SRPK2: variants seen among roughly 807,000 people sequenced by gnomAD.
SRPK2 encodes SRSF protein kinase 2.
SRPK2 carries 21 observed loss-of-function variants against 90.8 expected under a neutral mutation model. That is an observed-to-expected ratio of 0.23 (90% CI 0.16 to 0.33). SRPK2 has a LOEUF of 0.33. Ranked by LOEUF, SRPK2 falls within the 10% of genes least tolerant of loss-of-function variation. The pLI, the probability that SRPK2 is intolerant of heterozygous loss-of-function variation, is 1.00. For synonymous variants in SRPK2, 288 were observed against 311.1 expected (o/e 0.93, Z 0.78); for missense variants, 620 against 869.0 (o/e 0.71, Z 3.60).
At chr7:105,330,475 A>C (rs373396278) in intron 2 of SRPK2, among the ~76,000 whole-genome samples, 176 of 152,292 alleles carry the variant, frequency 1.2e-3, no homozygotes, top group Middle Eastern at 3.4e-3. Context: ...GTTGGGAAAA[A>C]AGGAGAGCAG....
At chr7:105,278,790 C>T (rs924996156) in intron 2 of SRPK2, among the ~76,000 whole-genome samples, 19 of 149,786 alleles carry the variant, frequency 1.3e-4, no homozygotes, top group South Asian at 4.3e-4. Flanking sequence ...AAGGGGAAGG[C>T]GAAGGAAAGG....
At chr7:105,142,520 A>C (rs762850299) in intron 10 of SRPK2, 30 bp from the exon 11 acceptor site, 1 of 1,575,750 alleles carries the variant, frequency 6.3e-7, no homozygotes, top group East Asian at 2.2e-5. Context: ...AAGAATTAGA[A>C]CTTGTTACTC....
At chr7:105,257,689 T>G (rs1803522636) in intron 2 of SRPK2, among the ~76,000 whole-genome samples, 1 of 151,938 alleles carries the variant, frequency 6.6e-6, no homozygotes, top group Non-Finnish European at 1.5e-5. Flanking sequence ...GGTTTAACAG[T>G]CATTTTTTTT....
At chr7:105,369,378 C>T (rs1020701067) in intron 2 of SRPK2, among the ~76,000 whole-genome samples, 1 of 152,002 alleles carries the variant, frequency 6.6e-6, no homozygotes, top group Non-Finnish European at 1.5e-5. Flanking sequence ...GAACTCCTGA[C>T]CTCAAGTGAT....
At chr7:105,127,211 T>G (rs1801333666) in intron 13 of SRPK2, 149 bp from the exon 14 acceptor site, 1 of 631,484 alleles carries the variant, frequency 1.6e-6, no homozygotes, top group African/African-American at 1.8e-5. Context: ...ATTTTTTTCT[T>G]TCTTCCACAT....
intron 2 of SRPK2, among the ~76,000 whole-genome samples, chr7:105,255,639 A>G (rs984855923): frequency 6.6e-6 from 1 of 152,212 alleles, no homozygotes; most frequent in African/African-American, 2.4e-5. Flanking sequence ...AAGTTGAGAA[A>G]CGCACATCTA....
Position 105,353,707 on chromosome 7 carries a change from C to G in SRPK2, c.71+34941G>C, listed in dbSNP as rs79600138. 1.2e-3 allele frequency among the ~76,000 whole-genome samples: 179 copies of G among 152,188 alleles called. 1 individual carries two copies. Among genetic ancestry groups the G allele is most frequent in the African/African-American group, 4.1e-3 (172 of 41,536 alleles). On this transcript the variant is annotated intron_variant, in intron 2 of 15. Transcript: ENST00000393651. ...ATGCCCCAAGGTGAGCAGTAAGGAA[C>G]AGAAAAACACTTTCCTTCTCCAGAA...
At chr7:105,128,273 C>A (rs1166447773) in intron 13 of SRPK2, among the ~76,000 whole-genome samples, 2 of 152,226 alleles carry the variant, frequency 1.3e-5, no homozygotes, top group Non-Finnish European at 2.9e-5. Flanking sequence ...AACTCAGGAT[C>A]CCTGCCCTGA....
intron 3 of SRPK2, among the ~76,000 whole-genome samples, chr7:105,186,372 G>A (rs1045054435): frequency 1.3e-5 from 2 of 152,132 alleles, no homozygotes; most frequent in African/African-American, 2.4e-5. Context: ...GGAGTCCTCA[G>A]TGTCTATTGT....
In SRPK2 at chr7:105,197,213, T is replaced by C. The variant is rs534500536; in HGVS notation, c.229+6415A>G. Among the ~76,000 whole-genome samples, 8 of 152,178 alleles carry C rather than the reference T, an allele frequency of 5.3e-5. No homozygotes were observed. In the South Asian group the frequency reaches 6.2e-4, roughly 12 times the overall value. On this transcript the variant is annotated intron_variant, in intron 3 of 15. Transcript: ENST00000393651. ...GTCTACCGTTTTCACAGATGGAAAA[T>C]AGACACACATGGGTAAAGGCAATTT...
In SRPK2 at chr7:105,388,678, C is replaced by G; in HGVS notation, c.41G>C (p.Arg14Pro). The change falls in exon 2 of 16, where the codon CGG becomes CCG. Residue 14 changes from arginine to proline, a missense_variant. By Grantham distance (103) the Arg-to-Pro change is moderately radical. This residue lies in a region of SRPK2 where 56 missense variants were observed against 49.6 expected (regional missense o/e 1.13). Transcript: ENST00000393651. ...RKVLAIQARK[R>P]RPKREKHPKK... is the part of the protein sequence containing the mutation. ...CGGATGTTTCTCTCTTTTCGGCCTC[C>G]GCTTTCGGGCCTGAATGGCCAGCAC... 6.3e-7 allele frequency: 1 copy of G among 1,588,562 alleles called. No homozygotes were observed.
intron 13 of SRPK2, 139 bp downstream of exon 13, chr7:105,132,652 T>G (rs1310646378): frequency 1.2e-5 from 8 of 655,424 alleles, no homozygotes; most frequent in Non-Finnish European, 1.8e-5. Context: ...GCAGCAACCT[T>G]CCCCTCACCC....
intron 7 of SRPK2, among the ~76,000 whole-genome samples, chr7:105,159,156 A>G (rs1023247219): frequency 3.3e-5 from 5 of 152,076 alleles, no homozygotes; most frequent in African/African-American, 4.8e-5. Flanking sequence ...CCCTCTTCTC[A>G]AGTAACATCT....
rs755883008 is a variant in SRPK2 at position 105,388,669 on chromosome 7, T to C, written c.50A>G (p.Lys17Arg). Residue 17 changes from lysine to arginine, a missense_variant, in exon 2 of 16, where the codon AAA (lysine) becomes AGA (arginine). Lys to Arg is a conservative substitution (Grantham distance 26). Transcript: ENST00000393651. ...TCACTTTTTCGGATGTTTCTCTCTT[T>C]TCGGCCTCCGCTTTCGGGCCTGAAT... Reference protein sequence around the residue: ...LAIQARKRRPKREKHPKKPEP... With the variant: ...LAIQARKRRPRREKHPKKPEP... 1.4e-5 allele frequency: 22 copies of C among 1,587,526 alleles called. No homozygotes were observed. Among genetic ancestry groups the C allele is most frequent in the Admixed American group, 1.7e-5 (1 of 57,360 alleles).
chr7:105,342,689 T>C (rs1224014670), intron 2 of SRPK2, among the ~76,000 whole-genome samples: 2 of 152,172 alleles, frequency 1.3e-5, no homozygotes, highest in African/African-American at 2.4e-5. Flanking sequence ...TGCCCCCGTA[T>C]ATACGCTGCT....
At chr7:105,160,400 A>G in intron 7 of SRPK2, 107 bp downstream of exon 7, 2 of 628,842 alleles carry the variant, frequency 3.2e-6, no homozygotes, top group East Asian at 2.6e-5. Context: ...TATATACATT[A>G]TGCACTGATA....
At chr7:105,202,732 A>T (rs1795714643) in intron 3 of SRPK2, among the ~76,000 whole-genome samples, 1 of 152,224 alleles carries the variant, frequency 6.6e-6, no homozygotes, top group Non-Finnish European at 1.5e-5. Flanking sequence ...CAATGGCAGA[A>T]CCCCACAGAA....
intron 3 of SRPK2, among the ~76,000 whole-genome samples, chr7:105,182,045 A>G (rs545326365): frequency 2.6e-5 from 4 of 151,854 alleles, no homozygotes; most frequent in Non-Finnish European, 5.9e-5. Flanking sequence ...CCTGGCCAGC[A>G]TGATGAAACC....
At chr7:105,388,990 G>GC, upstream of SRPK2, 2 of 293,510 alleles carry the variant, frequency 6.8e-6, no homozygotes, top group Non-Finnish European at 8.2e-6. Context: ...CCCCGCCCCC[G>GC]CCCCGCCCCC....
Sources: allele counts gnomAD v4.1 joint callset (sites outside exome capture counted in the v4.1 genomes callset), GRCh38; gene constraint gnomAD v4.1.1; regional missense constraint gnomAD v4.1.1; transcripts MANE v1.5; gene names NCBI Gene and HGNC (gene_info 2026-07-23, HGNC 2026-07-21).